Variants in ARL5A observed in about 807,000 individuals in gnomAD.
The protein encoded by ARL5A is ADP-ribosylation factor-like protein 5A.
A neutral mutation model predicts 25.9 loss-of-function variants in ARL5A; 18 were observed. That is an observed-to-expected ratio of 0.69 (90% CI 0.48 to 1.03). The LOEUF is 1.03. Ranked by LOEUF, ARL5A falls within the 50% of genes least tolerant of loss-of-function variation. The pLI, the probability that ARL5A is intolerant of heterozygous loss-of-function variation, is 0.00. For missense variants in ARL5A, 170 were observed against 211.9 expected, an observed-to-expected ratio of 0.80 and a Z score of 1.23; for synonymous variants, 61 against 67.5, an observed-to-expected ratio of 0.90 and a Z score of 0.47.
rs1553735346 is a variant in ARL5A at position 151,828,191 on chromosome 2, C to CCA, written c.-16_-15insTG. The CCA allele has an allele frequency of 7.3e-7, 1 of 1,370,546 alleles. No individual in the cohort carries two copies. Among genetic ancestry groups the CCA allele is most frequent in the Non-Finnish European group, 9.6e-7 (1 of 1,042,470 alleles). The allele number at this position is 1,370,546 out of a possible 1,614,324, so 84.9% of individuals were successfully genotyped here. A position where few individuals can be genotyped will look rare whatever the true frequency, so the allele number is the denominator to read the frequency against. On this transcript the variant is annotated 5_prime_UTR_variant, in exon 1 of 6. Coordinates refer to ENST00000295087, the MANE Select transcript of ARL5A (RefSeq NM_012097.4). ...AGAATTCCCATTCTCGGGCAGCGGA[C>CCA]CCCCCCCCTCCAGACACCCGGGCCG... is the stretch of plus-strand genomic sequence containing the variant.
intron 2 of ARL5A, 147 bp from the exon 3 acceptor site, chr2:151,814,463 G>A: frequency 1.6e-6 from 1 of 618,700 alleles, no homozygotes; most frequent in East Asian, 3.1e-5. Flanking sequence ...ATGAGTGAGG[G>A]TTTAAACAGG....
chr2:151,812,409 C>G lies in ARL5A; in HGVS notation c.287G>C (p.Arg96Thr). ...FVIVVVDSTDRERISVTREEL... is the reference protein window; with the variant it reads ...FVIVVVDSTDTERISVTREEL... ...TTCTCTAGTTACAGAAATCCTCTCT[C>G]TGTCTGTACTGTCCACAACAACTAT... The change falls in exon 4 of 6, where the codon AGA (arginine) becomes ACA (threonine). Residue 96 changes from arginine to threonine, a missense_variant. Transcript: ENST00000295087. 6.2e-7 allele frequency: 1 copy of G among 1,604,338 alleles called. No homozygotes were observed. The highest frequency in any genetic ancestry group is 1.1e-5 in the South Asian group (1 of 89,208).
Position 151,828,242 on chromosome 2 carries a change from G to C in ARL5A, c.-66C>G. ...CCTGGCTTCCCCCGGCTCAGGCTGA[G>C]GGGGAGGAGAGAGACGCGCTGGAGC... On this transcript the variant is annotated 5_prime_UTR_variant, in exon 1 of 6. Coordinates refer to ENST00000295087, the MANE Select transcript of ARL5A (RefSeq NM_012097.4). 1.4e-6 allele frequency: 2 copies of C among 1,478,512 alleles called. No individual in the cohort carries two copies. Among genetic ancestry groups the C allele is most frequent in the Non-Finnish European group, 1.9e-6 (2 of 1,068,528 alleles). The allele number at this position is 1,478,512 out of a possible 1,614,324, so 91.6% of individuals were successfully genotyped here. A position where few individuals can be genotyped will look rare whatever the true frequency, so the allele number is the denominator to read the frequency against.
Position 151,814,261 on chromosome 2 carries a change from T to C in ARL5A, c.163A>G (p.Ile55Val). ...SPTIGSNVEE[I>V]VINNTRFLMW... The stretch of plus-strand genomic sequence containing the variant: ...AGGAAACGTGTATTATTAATCACTA[T>C]CTCTTCTACATTACTTCCTATTGTA... Residue 55 changes from isoleucine (I) to valine (V), a missense_variant, in exon 3 of 6, where the codon ATA (isoleucine) becomes GTA (valine). By Grantham distance (29) the Ile-to-Val change is conservative. Coordinates refer to ENST00000295087, the MANE Select transcript of ARL5A (RefSeq NM_012097.4). 6.2e-7 allele frequency: 1 copy of C among 1,603,296 alleles called. No homozygotes were observed. The highest frequency in any genetic ancestry group is 8.5e-7 in the Non-Finnish European group (1 of 1,175,950).
At chr2:151,810,441 C>A (rs1189575519) in intron 4 of ARL5A, 1 of 299,790 alleles carries the variant, frequency 3.3e-6, no homozygotes, top group South Asian at 2.7e-5. Context: ...TCTTCTTGAC[C>A]CTACTGAGTA....
rs760341359 is a variant in ARL5A at position 151,821,775 on chromosome 2, C to CTTTTTTT, written c.46+6349_46+6355dup. On this transcript the variant is annotated intron_variant, in intron 1 of 5. Coordinates refer to ENST00000295087, the MANE Select transcript of ARL5A (RefSeq NM_012097.4). Reference sequence around the variant, plus strand: ...GGCAGGCACTACCATGCCCGGCTTTCTTTTTTTTTTTTTCTTTTTTTTTTT... The same window carrying CTTTTTTT: ...GGCAGGCACTACCATGCCCGGCTTTCTTTTTTTTTTTTTTTTTTTTCTTTTTTTTTTT... Among the ~76,000 whole-genome samples, 167 of 113,506 alleles carry CTTTTTTT rather than the reference C, an allele frequency of 1.5e-3. 3 individuals are homozygous for CTTTTTTT. The highest frequency in any genetic ancestry group is 5.1e-3 in the African/African-American group (150 of 29,556). The allele number at this position is 113,506 out of a possible 152,430, so 74.5% of individuals were successfully genotyped here. A position where few individuals can be genotyped will look rare whatever the true frequency, so the allele number is the denominator to read the frequency against.
chr2:151,804,979 T>A (rs1415238286), intron 5 of ARL5A, among the ~76,000 whole-genome samples: 2 of 152,190 alleles, frequency 1.3e-5, no homozygotes, highest in Non-Finnish European at 2.9e-5. Flanking sequence ...TACCTCTTTT[T>A]AAAATGAAAT....
At chr2:151,804,682 C>T (rs2099829869) in intron 5 of ARL5A, among the ~76,000 whole-genome samples, 1 of 152,116 alleles carries the variant, frequency 6.6e-6, no homozygotes, top group African/African-American at 2.4e-5. Context: ...AAACTAGAAA[C>T]TAACTTAATA....
intron 5 of ARL5A, 148 bp from the exon 6 acceptor site, chr2:151,803,472 G>T (rs2099829691): frequency 1.5e-6 from 1 of 658,036 alleles, no homozygotes. Flanking sequence ...TTGGGCTGCT[G>T]CAGTGAAGCC....
intron 1 of ARL5A, among the ~76,000 whole-genome samples, chr2:151,824,577 G>C (rs1479791950): frequency 6.6e-6 from 1 of 152,182 alleles, no homozygotes; most frequent in African/African-American, 2.4e-5. Flanking sequence ...AGCTTCTCCT[G>C]CACCCATTCA....
intron 5 of ARL5A, among the ~76,000 whole-genome samples, chr2:151,805,527 T>C (rs1037409296): frequency 6.6e-6 from 1 of 152,216 alleles, no homozygotes; most frequent in Non-Finnish European, 1.5e-5. Flanking sequence ...CAGGGATACA[T>C]TCTGAGAAAT....
At chr2:151,819,117 CTATAATA>C (rs1327047748) in intron 1 of ARL5A, among the ~76,000 whole-genome samples, 5 of 151,972 alleles carry the variant, frequency 3.3e-5, no homozygotes, top group East Asian at 1.9e-4. Flanking sequence ...AGGCAAGAAT[CTATAATA>C]TATAACAATA....
intron 1 of ARL5A, among the ~76,000 whole-genome samples, chr2:151,821,775 C>CTTTTTTTTTTTTTTTTTT (rs760341359): frequency 1.8e-5 from 2 of 113,542 alleles, no homozygotes; most frequent in African/African-American, 6.8e-5. Flanking sequence ...GCCCGGCTTT[C>CTTTTTTTTTTTTTTTTTT]TTTTTTTTTT....
chr2:151,825,421 TCA>T (rs925400245), intron 1 of ARL5A, among the ~76,000 whole-genome samples: 1 of 152,188 alleles, frequency 6.6e-6, no homozygotes, highest in African/African-American at 2.4e-5. Context: ...CACTTAAGCC[TCA>T]GTTTTCCCTT....
intron 1 of ARL5A, among the ~76,000 whole-genome samples, chr2:151,818,882 C>A (rs1057159310): frequency 1.3e-5 from 2 of 152,080 alleles, no homozygotes; most frequent in African/African-American, 2.4e-5. Flanking sequence ...TCACAGCATT[C>A]TCAAAATGTC....
chr2:151,822,104 T>C (rs2099832419), intron 1 of ARL5A, among the ~76,000 whole-genome samples: 1 of 152,176 alleles, frequency 6.6e-6, no homozygotes, highest in Admixed American at 6.5e-5. Flanking sequence ...TGCCTCGGCC[T>C]GCCAAAGTGC....
intron 1 of ARL5A, among the ~76,000 whole-genome samples, chr2:151,822,815 T>C (rs2151297419): frequency 1.3e-5 from 2 of 152,350 alleles, no homozygotes; most frequent in Admixed American, 1.3e-4. Context: ...GAGTTACCAA[T>C]TAGGCTTTAA....
chr2:151,819,129 A>C (rs917578953), intron 1 of ARL5A, among the ~76,000 whole-genome samples: 2 of 152,240 alleles, frequency 1.3e-5, no homozygotes, highest in Non-Finnish European at 2.9e-5. Context: ...ATAATATATA[A>C]CAATAAAGAA....
At chr2:151,825,436 C>T (rs1347143940) in intron 1 of ARL5A, among the ~76,000 whole-genome samples, 1 of 152,068 alleles carries the variant, frequency 6.6e-6, no homozygotes, top group Non-Finnish European at 1.5e-5. Context: ...TTTCCCTTTT[C>T]AGGGGAAATA....
Sources: gnomAD v4.1 joint callset for allele counts (sites outside exome capture counted in the v4.1 genomes callset) on GRCh38, gnomAD v4.1.1 for gene constraint, MANE v1.5 for transcripts, NCBI Gene and HGNC (gene_info 2026-07-23, HGNC 2026-07-21) for gene names.